The following GNPTAB variants were observed in gnomAD, a reference collection of about 807,000 sequenced individuals.
GNPTAB encodes N-acetylglucosamine-1-phosphate transferase subunits alpha and beta.
A neutral mutation model predicts 136.6 loss-of-function variants in GNPTAB; 92 were observed. The ratio of observed to expected loss-of-function variants is 0.67; its 90% CI spans 0.57 to 0.80. GNPTAB has a LOEUF of 0.80. Among genes scored for constraint, GNPTAB ranks in the 30% least tolerant of loss-of-function variants. GNPTAB has a pLI of 0.00. For synonymous variants in GNPTAB, 512 were observed against 535.1 expected, an observed-to-expected ratio of 0.96 and a Z score of 0.60; for missense variants, 1,343 against 1,501.8, an observed-to-expected ratio of 0.89 and a Z score of 1.75.
chr12:101,809,657 G>T (rs1164409457), intron 1 of GNPTAB, among the ~76,000 whole-genome samples: 1 of 152,150 alleles, frequency 6.6e-6, no homozygotes, highest in Non-Finnish European at 1.5e-5. Flanking sequence ...AACTGAAAAG[G>T]TTACATATTA....
intron 10 of GNPTAB, 94 bp from the exon 11 acceptor site, chr12:101,768,254 C>T (rs1380106724): frequency 5.0e-6 from 7 of 1,408,930 alleles, no homozygotes; most frequent in Non-Finnish European, 6.9e-6. Flanking sequence ...GAAATTAAGT[C>T]TCTAGAAAGA....
At chr12:101,793,905 C>T (rs1278186091) in intron 2 of GNPTAB, among the ~76,000 whole-genome samples, 1 of 152,116 alleles carries the variant, frequency 6.6e-6, no homozygotes, top group East Asian at 1.9e-4. Flanking sequence ...TGCAGTGGTG[C>T]CATCTCAGCT....
chr12:101,808,808 C>T (rs1172258705), intron 1 of GNPTAB, among the ~76,000 whole-genome samples: 1 of 151,932 alleles, frequency 6.6e-6, no homozygotes, highest in East Asian at 1.9e-4. Context: ...ATTAGCTGGG[C>T]GTGGTGGTGC....
chr12:101,809,361 G>A (rs967712034), intron 1 of GNPTAB, among the ~76,000 whole-genome samples: 6 of 152,208 alleles, frequency 3.9e-5, no homozygotes, highest in Admixed American at 3.9e-4. Flanking sequence ...CAGCCACTTT[G>A]GAAGACAGTT....
At chr12:101,798,503 T>C (rs1198212641) in intron 1 of GNPTAB, among the ~76,000 whole-genome samples, 1 of 152,226 alleles carries the variant, frequency 6.6e-6, no homozygotes, top group African/African-American at 2.4e-5. Context: ...CTACCACTTC[T>C]GTTTTCATTA....
In GNPTAB at chr12:101,790,061, G is replaced by A; in HGVS notation, c.204-4C>T. The A allele has an allele frequency of 6.2e-7, 1 of 1,614,068 alleles. No homozygotes were observed. On this transcript the variant is annotated splice_polypyrimidine_tract_variant and splice_region_variant and intron_variant, in intron 2 of 20. Coordinates refer to ENST00000299314, the MANE Select transcript of GNPTAB (RefSeq NM_024312.5). ...AATCGGCATGGGCAGACAAAGCCTA[G>A]GGCAAACCAACAAATCCTCCAGCTT... is the stretch of plus-strand genomic sequence containing the variant.
intron 1 of GNPTAB, among the ~76,000 whole-genome samples, chr12:101,827,175 G>A (rs548825740): frequency 1.3e-5 from 2 of 151,918 alleles, no homozygotes; most frequent in East Asian, 3.9e-4. Flanking sequence ...TGTCACCCAG[G>A]CTTAAGTGCA....
chr12:101,828,696 C>G (rs1407298266), intron 1 of GNPTAB, among the ~76,000 whole-genome samples: 1 of 150,390 alleles, frequency 6.6e-6, no homozygotes, highest in Non-Finnish European at 1.5e-5. Flanking sequence ...TCTCAAAAAA[C>G]AAACAAAAAA....
intron 18 of GNPTAB, among the ~76,000 whole-genome samples, chr12:101,755,479 T>C (rs1481017749): frequency 6.6e-6 from 1 of 152,180 alleles, no homozygotes; most frequent in African/African-American, 2.4e-5. Flanking sequence ...ATGAAGGGCA[T>C]TTGGAGGCAA....
At chr12:101,751,893 T>G (rs1218942867) in intron 19 of GNPTAB, among the ~76,000 whole-genome samples, 1 of 152,140 alleles carries the variant, frequency 6.6e-6, no homozygotes, top group African/African-American at 2.4e-5. Flanking sequence ...GGAGCTGAGA[T>G]GCCTTATGCA....
At chr12:101,804,507 T>C (rs1039598008) in intron 1 of GNPTAB, among the ~76,000 whole-genome samples, 12 of 152,218 alleles carry the variant, frequency 7.9e-5, no homozygotes, top group Non-Finnish European at 1.6e-4. Context: ...CAGCCAATGT[T>C]TGAGTTCTTG....
intron 1 of GNPTAB, among the ~76,000 whole-genome samples, chr12:101,808,722 G>A (rs919142816): frequency 2.6e-5 from 4 of 152,180 alleles, no homozygotes; most frequent in Non-Finnish European, 5.9e-5. Flanking sequence ...TGAGGCGAGT[G>A]GATCACCTGA....
chr12:101,756,851 A>C (rs1952907902), intron 18 of GNPTAB: 1 of 196,268 alleles, frequency 5.1e-6, no homozygotes, highest in Non-Finnish European at 1.0e-5. Context: ...CTTTACTTTG[A>C]ATTCCATCTA....
rs1173756722 is a variant in GNPTAB, at chr12:101,788,548, CTCT to C, written c.362_364del (p.Lys121del). ...CTTGAGAGGAAATCAAAATGCTTAC[CTCT>C]TCTTAGTAGGTTCCGTTGTGTTTTT... On this transcript the variant is annotated inframe_deletion and splice_region_variant, in exon 4 of 21. Coordinates refer to ENST00000299314, the MANE Select transcript of GNPTAB (RefSeq NM_024312.5). 1.9e-6 allele frequency: 3 copies of C among 1,548,688 alleles called. No homozygotes were observed. Among genetic ancestry groups the C allele is most frequent in the Admixed American group, 3.3e-5 (2 of 59,918 alleles).
rs281864971 is a variant in GNPTAB at position 101,770,110 on chromosome 12, A to ACAGC, written c.1191_1194dup (p.Ser399AlafsTer10). ...TCATTTAGGTAAATAAACTTCTGGGACAGCCCTTCGATGCGATGAATGTGA... is the reference window on the plus strand; with the variant it reads ...TCATTTAGGTAAATAAACTTCTGGGACAGCCAGCCCTTCGATGCGATGAATGTGA... On this transcript the variant is annotated frameshift_variant, in exon 10 of 21. Coordinates refer to ENST00000299314, the MANE Select transcript of GNPTAB (RefSeq NM_024312.5). LOFTEE classifies it high-confidence loss of function. The ACAGC allele has an allele frequency of 6.2e-7, 1 of 1,614,184 alleles. No individual in the cohort carries two copies. The highest frequency in any genetic ancestry group is 8.5e-7 in the Non-Finnish European group (1 of 1,180,004).
At chr12:101,818,146 C>G (rs1476164761) in intron 1 of GNPTAB, among the ~76,000 whole-genome samples, 1 of 152,154 alleles carries the variant, frequency 6.6e-6, no homozygotes, top group African/African-American at 2.4e-5. Context: ...ATATCCATAC[C>G]TTTACACCAA....
chr12:101,809,877 A>G (rs1870127343), intron 1 of GNPTAB, among the ~76,000 whole-genome samples: 1 of 152,264 alleles, frequency 6.6e-6, no homozygotes, highest in South Asian at 2.1e-4. Context: ...AGAACTGTAT[A>G]AAACAAAGAA....
chr12:101,766,699 TGTAA>T (rs1953100913), intron 11 of GNPTAB, among the ~76,000 whole-genome samples: 1 of 152,220 alleles, frequency 6.6e-6, no homozygotes, highest in African/African-American at 2.4e-5. Context: ...AAGGTTGATG[TGTAA>T]GTTTTAGTCA....
chr12:101,796,353 C>G (rs758518334), intron 2 of GNPTAB: 11 of 695,178 alleles, frequency 1.6e-5, no homozygotes, highest in Non-Finnish European at 2.9e-5. Flanking sequence ...TTTTCACCCA[C>G]AAAATGTGGT....
Sources: gnomAD v4.1 joint callset for allele counts (sites outside exome capture counted in the v4.1 genomes callset) on GRCh38, gnomAD v4.1.1 for gene constraint, MANE v1.5 for transcripts, NCBI Gene and HGNC (gene_info 2026-07-23, HGNC 2026-07-21) for gene names.